Variants in ZFYVE9 observed in about 807,000 individuals in gnomAD.
The protein encoded by ZFYVE9 is zinc finger FYVE-type containing 9.
ZFYVE9 carries 43 observed loss-of-function variants against 126.7 expected under a neutral mutation model. The ratio of observed to expected loss-of-function variants is 0.34; its 90% CI spans 0.27 to 0.44. ZFYVE9 has a LOEUF of 0.44. Ranked by LOEUF, ZFYVE9 falls within the 20% of genes least tolerant of loss-of-function variation. ZFYVE9 has a pLI of 1.00. For synonymous variants in ZFYVE9, 521 were observed against 597.4 expected, an observed-to-expected ratio of 0.87 and a Z score of 1.87; for missense variants, 1,476 against 1,697.0, an observed-to-expected ratio of 0.87 and a Z score of 2.29.
intron 1 of ZFYVE9, among the ~76,000 whole-genome samples, chr1:52,184,341 C>T (rs1644744265): frequency 6.7e-6 from 1 of 148,744 alleles, no homozygotes; most frequent in South Asian, 2.1e-4. Flanking sequence ...TCTTCTGTAC[C>T]TCAGCCTCCC....
chr1:52,235,803 A>T (rs1228157638), intron 3 of ZFYVE9, among the ~76,000 whole-genome samples: 1 of 152,086 alleles, frequency 6.6e-6, no homozygotes, highest in East Asian at 1.9e-4. Context: ...GCCTTCATGA[A>T]TTCAAGCTCG....
chr1:52,299,503 C>T (rs1378448381), intron 12 of ZFYVE9, among the ~76,000 whole-genome samples: 6 of 152,248 alleles, frequency 3.9e-5, no homozygotes, highest in African/African-American at 1.4e-4. Context: ...AAGATTTCCA[C>T]TGTTCCCATT....
At chr1:52,224,440 G>A (rs867810898) in intron 2 of ZFYVE9, among the ~76,000 whole-genome samples, 11 of 152,168 alleles carry the variant, frequency 7.2e-5, no homozygotes, top group Admixed American at 6.5e-5. Context: ...GGGAGGTATT[G>A]AATTTGGCTT....
intron 15 of ZFYVE9, among the ~76,000 whole-genome samples, chr1:52,336,627 G>A (rs948463789): frequency 6.9e-6 from 1 of 144,398 alleles, no homozygotes; most frequent in African/African-American, 2.6e-5. Flanking sequence ...CCGAAGTGCT[G>A]GGATTACAGG....
chr1:52,345,079 C>T (rs534587103), intron 18 of ZFYVE9, 135 bp downstream of exon 18: 40 of 937,916 alleles, frequency 4.3e-5, no homozygotes, highest in East Asian at 3.3e-4. Flanking sequence ...GTTTTTGGCC[C>T]TCTCTTTAAT....
At chr1:52,225,821 G>A (rs547385844) in intron 2 of ZFYVE9, among the ~76,000 whole-genome samples, 6 of 152,296 alleles carry the variant, frequency 3.9e-5, no homozygotes, top group South Asian at 4.1e-4. Context: ...TCCTGATGAA[G>A]CAACTGTGTT....
chr1:52,214,898 C>T (rs558849739), intron 1 of ZFYVE9, among the ~76,000 whole-genome samples: 2 of 151,924 alleles, frequency 1.3e-5, no homozygotes, highest in Admixed American at 6.6e-5. Context: ...ATTTTATTCA[C>T]GTCCTCAATG....
chr1:52,209,801 A>G (rs1485723861), intron 1 of ZFYVE9, among the ~76,000 whole-genome samples: 1 of 152,220 alleles, frequency 6.6e-6, no homozygotes, highest in Non-Finnish European at 1.5e-5. Flanking sequence ...CAGAAACCAA[A>G]TCAAACAGAA....
intron 4 of ZFYVE9, among the ~76,000 whole-genome samples, chr1:52,262,331 A>G (rs1475832832): frequency 6.6e-6 from 1 of 152,196 alleles, no homozygotes; most frequent in Non-Finnish European, 1.5e-5. Flanking sequence ...CTAACTGCTA[A>G]TTGTAAATGA....
rs570074408 is a variant in ZFYVE9 at position 52,228,353 on chromosome 1, T to C, written c.-36-4818T>C. Among the ~76,000 whole-genome samples, 31 of 152,270 alleles carry C rather than the reference T, an allele frequency of 2.0e-4. 1 individual carries two copies. The South Asian group carries it at 6.2e-3, about 31-fold the overall frequency. Reference sequence around the variant, plus strand: ...CTTGGCCTCCCAAAGTGCTAAACTCTTTAAAATAATTAGTTTTGTCTAGAA... The same window carrying C: ...CTTGGCCTCCCAAAGTGCTAAACTCCTTAAAATAATTAGTTTTGTCTAGAA... On this transcript the variant is annotated intron_variant, in intron 2 of 18. Transcript: ENST00000287727.
chr1:52,213,883 A>G (rs540795220), intron 1 of ZFYVE9, among the ~76,000 whole-genome samples: 2 of 152,252 alleles, frequency 1.3e-5, no homozygotes, highest in African/African-American at 4.8e-5. Context: ...GATTTGTGAT[A>G]TAGAGACTCC....
chr1:52,225,970 G>A (rs754549115), intron 2 of ZFYVE9, among the ~76,000 whole-genome samples: 2 of 152,092 alleles, frequency 1.3e-5, no homozygotes, highest in Non-Finnish European at 2.9e-5. Flanking sequence ...TGAGAGAGAC[G>A]GGTCTTCCGA....
intron 1 of ZFYVE9, among the ~76,000 whole-genome samples, chr1:52,174,375 G>C: frequency 6.6e-6 from 1 of 151,674 alleles, no homozygotes; most frequent in Non-Finnish European, 1.5e-5. Flanking sequence ...GAGACAGTTT[G>C]TTATAATTTC....
At position 52,346,456 on chromosome 1, in the gene ZFYVE9, T is replaced by C. The variant is rs1646484712; in HGVS notation, c.*235T>C. 4.4e-6 allele frequency: 2 copies of C among 458,976 alleles called. No homozygotes were observed. The highest frequency in any genetic ancestry group is 3.8e-6 in the Non-Finnish European group (1 of 261,112). 28.4% of individuals were successfully genotyped at this position (458,976 alleles called of 1,614,324 possible). The stretch of plus-strand genomic sequence containing the variant: ...ACCAAGAAGATCTGGGCAGCTTCTG[T>C]TCCTGCACAACAGTTATGCTATCCT... On this transcript the variant is annotated 3_prime_UTR_variant, in exon 19 of 19. Coordinates refer to ENST00000287727, the MANE Select transcript of ZFYVE9 (RefSeq NM_004799.4).
intron 15 of ZFYVE9, among the ~76,000 whole-genome samples, chr1:52,336,266 C>T (rs1351938204): frequency 6.7e-6 from 1 of 149,870 alleles, no homozygotes; most frequent in Non-Finnish European, 1.5e-5. Context: ...GTGAGTGAAA[C>T]ACAGAGTGCA....
intron 1 of ZFYVE9, among the ~76,000 whole-genome samples, chr1:52,168,376 C>T (rs1644533218): frequency 6.6e-6 from 1 of 151,880 alleles, no homozygotes; most frequent in South Asian, 2.1e-4. Context: ...ACCACCACAC[C>T]CGGCTAGATT....
At chr1:52,162,167 C>T (rs575155336) in intron 1 of ZFYVE9, 86 of 211,530 alleles carry the variant, frequency 4.1e-4, no homozygotes, top group African/African-American at 1.9e-3. Context: ...TCCTTCATTG[C>T]AACCATTTCA....
At chr1:52,167,785 T>G (rs1644527113) in intron 1 of ZFYVE9, among the ~76,000 whole-genome samples, 1 of 152,080 alleles carries the variant, frequency 6.6e-6, no homozygotes, top group Non-Finnish European at 1.5e-5. Context: ...GAAGATAACT[T>G]CAAGAGAGCC....
At position 52,244,566 on chromosome 1, in the gene ZFYVE9, A is replaced by G. The variant is rs117780987; in HGVS notation, c.2178+4971A>G. On this transcript the variant is annotated intron_variant, in intron 4 of 18. Coordinates refer to ENST00000287727, the MANE Select transcript of ZFYVE9 (RefSeq NM_004799.4). ...GGATAGATGATGAAGGTTTGAGGAG[A>G]GTGAGATAGTTACATTGGAGAGGAA... Among the ~76,000 whole-genome samples, 125 of 152,272 alleles carry G rather than the reference A, an allele frequency of 8.2e-4. 3 individuals carry two copies. The East Asian group carries it at 0.021, about 25-fold the overall frequency.
Sources: allele counts gnomAD v4.1 joint callset (sites outside exome capture counted in the v4.1 genomes callset), GRCh38; gene constraint gnomAD v4.1.1; transcripts MANE v1.5; gene names NCBI Gene and HGNC (gene_info 2026-07-23, HGNC 2026-07-21).